CLSTN2: variants seen among roughly 807,000 people sequenced by gnomAD.
The protein encoded by CLSTN2 is calsyntenin-2.
A neutral mutation model predicts 101.2 loss-of-function variants in CLSTN2; 48 were observed. The ratio of observed to expected loss-of-function variants is 0.47; its 90% confidence interval spans 0.38 to 0.60. CLSTN2 has a LOEUF of 0.60. CLSTN2 is among the 20% of genes least tolerant of loss of function. The probability of loss-of-function intolerance (pLI) is 0.00; values close to 1 mark genes in which losing one functional copy is unlikely to be tolerated. For synonymous variants in CLSTN2, 481 were observed against 463.6 expected (o/e 1.04, Z -0.48); for missense variants, 1,160 against 1,238.2 (o/e 0.94, Z 0.95).
At chr3:140,095,191 C>T (rs1197858411) in intron 1 of CLSTN2, among the ~76,000 whole-genome samples, 2 of 152,164 alleles carry the variant, frequency 1.3e-5, no homozygotes, top group Non-Finnish European at 2.9e-5. Context: ...TTAAGGATGT[C>T]TGGGGGCTAG....
intron 2 of CLSTN2, among the ~76,000 whole-genome samples, chr3:140,398,349 G>A (rs2088205163): frequency 6.6e-6 from 1 of 152,116 alleles, no homozygotes; most frequent in African/African-American, 2.4e-5. Flanking sequence ...TCATTCTTAA[G>A]TGAAATTGGC....
At chr3:140,413,373 T>A (rs2088388250) in intron 4 of CLSTN2, among the ~76,000 whole-genome samples, 1 of 152,140 alleles carries the variant, frequency 6.6e-6, no homozygotes, top group Admixed American at 6.6e-5. Flanking sequence ...AACAGACCAA[T>A]AATGAGTAGG....
chr3:140,415,706 T>C (rs559784442), intron 4 of CLSTN2, among the ~76,000 whole-genome samples: 49 of 152,240 alleles, frequency 3.2e-4, no homozygotes, highest in African/African-American at 1.1e-3. Context: ...AGGAGAAGCA[T>C]TGGTGAAGAT....
In CLSTN2 at chr3:140,359,630, C is replaced by T. The variant is rs79784111; in HGVS notation, c.233-43999C>T. Among the ~76,000 whole-genome samples, 185 of 152,296 alleles carry T rather than the reference C, an allele frequency of 1.2e-3. 1 individual carries two copies. In the East Asian group the frequency reaches 0.019, roughly 16 times the overall value. ...AGAATGATCTCAAATACATTGAACACGATTTAAAATGAAGGCGGACCTCAC... is the reference window on the plus strand; with the variant it reads ...AGAATGATCTCAAATACATTGAACATGATTTAAAATGAAGGCGGACCTCAC... On this transcript the variant is annotated intron_variant, in intron 2 of 16. Coordinates refer to ENST00000458420, the MANE Select transcript of CLSTN2 (RefSeq NM_022131.3).
chr3:140,056,409 T>C (rs2008097494), intron 1 of CLSTN2, among the ~76,000 whole-genome samples: 1 of 152,218 alleles, frequency 6.6e-6, no homozygotes, highest in Non-Finnish European at 1.5e-5. Context: ...CCAGGTGTAC[T>C]TCTCTGTCAT....
chr3:140,510,340 GAGAA>G (rs1398880561), intron 8 of CLSTN2, among the ~76,000 whole-genome samples: 2 of 152,152 alleles, frequency 1.3e-5, no homozygotes, highest in Non-Finnish European at 2.9e-5. Context: ...GGGCAGTGGT[GAGAA>G]AGAAAGAAAA....
At chr3:140,192,441 G>T (rs1410583385) in intron 2 of CLSTN2, among the ~76,000 whole-genome samples, 1 of 151,740 alleles carries the variant, frequency 6.6e-6, no homozygotes, top group Non-Finnish European at 1.5e-5. Flanking sequence ...TCTTCTTTTA[G>T]TTCTACCAGT....
chr3:140,082,591 T>C (rs2008616554), intron 1 of CLSTN2, among the ~76,000 whole-genome samples: 1 of 152,138 alleles, frequency 6.6e-6, no homozygotes, highest in East Asian at 1.9e-4. Context: ...TGCTCCCCCA[T>C]ACACCCCTCC....
At chr3:140,381,412 G>A (rs1459537229) in intron 2 of CLSTN2, among the ~76,000 whole-genome samples, 1 of 152,066 alleles carries the variant, frequency 6.6e-6, no homozygotes, top group Non-Finnish European at 1.5e-5. Flanking sequence ...AGTTCCTAAG[G>A]CAGACTCCAC....
intron 1 of CLSTN2, among the ~76,000 whole-genome samples, chr3:140,163,607 A>G (rs1181908767): frequency 1.3e-5 from 2 of 151,706 alleles, no homozygotes; most frequent in Non-Finnish European, 2.9e-5. Context: ...AGTTTGACCC[A>G]CAGGAGATGG....
chr3:140,553,353 C>T (rs1935741515), intron 10 of CLSTN2, among the ~76,000 whole-genome samples: 1 of 152,146 alleles, frequency 6.6e-6, no homozygotes. Flanking sequence ...TTAAGACCCA[C>T]ACAGGTAGAT....
At chr3:140,071,037 C>T (rs1332101275) in intron 1 of CLSTN2, among the ~76,000 whole-genome samples, 3 of 151,984 alleles carry the variant, frequency 2.0e-5, no homozygotes, top group Non-Finnish European at 2.9e-5. Flanking sequence ...CTAGCCTTAT[C>T]GAATTTCAAA....
At chr3:140,226,637 G>A (rs1206280455) in intron 2 of CLSTN2, among the ~76,000 whole-genome samples, 2 of 152,164 alleles carry the variant, frequency 1.3e-5, no homozygotes, top group Non-Finnish European at 2.9e-5. Context: ...AGAGAGACTA[G>A]ATAATGGAAC....
chr3:140,250,848 AGGCAGACCTTAATTC>A (rs2086558134), intron 2 of CLSTN2, among the ~76,000 whole-genome samples: 1 of 152,222 alleles, frequency 6.6e-6, no homozygotes, highest in South Asian at 2.1e-4. Context: ...ATGTAGTTTT[AGGCAGACCTTAATTC>A]AAAGGTTGCT....
chr3:140,134,979 C>T (rs1342054163), intron 1 of CLSTN2, among the ~76,000 whole-genome samples: 1 of 151,100 alleles, frequency 6.6e-6, no homozygotes, highest in Non-Finnish European at 1.5e-5. Flanking sequence ...TTCCTTGCCC[C>T]AGGATATTGT....
chr3:139,958,982 T>C (rs1175828366), intron 1 of CLSTN2, among the ~76,000 whole-genome samples: 1 of 151,710 alleles, frequency 6.6e-6, no homozygotes, highest in East Asian at 1.9e-4. Context: ...CCTCCAGATG[T>C]CTTGCCAACT....
At chr3:140,014,069 G>A (rs887322778) in intron 1 of CLSTN2, among the ~76,000 whole-genome samples, 12 of 152,170 alleles carry the variant, frequency 7.9e-5, no homozygotes, top group African/African-American at 2.9e-4. Flanking sequence ...CCATAGCCAA[G>A]AGGACCTCAG....
intron 8 of CLSTN2, among the ~76,000 whole-genome samples, chr3:140,490,007 AGT>A (rs1934312698): frequency 0.3 from 3 of 10 alleles, 1 homozygote; most frequent in Admixed American, 1. Flanking sequence ...AAAAAAAAGA[AGT>A]ACATGTGTGT....
intron 4 of CLSTN2, among the ~76,000 whole-genome samples, chr3:140,414,475 C>T (rs2088404192): frequency 6.6e-6 from 1 of 151,760 alleles, no homozygotes; most frequent in South Asian, 2.1e-4. Context: ...AATTGAAAGC[C>T]AAATACTGCA....
Sources: gnomAD v4.1 joint callset for allele counts (sites outside exome capture counted in the v4.1 genomes callset) on GRCh38, gnomAD v4.1.1 for gene constraint, MANE v1.5 for transcripts, NCBI Gene and HGNC (gene_info 2026-07-23, HGNC 2026-07-21) for gene names.